The following LDB2 variants were observed in gnomAD, a reference collection of about 807,000 sequenced individuals.
The protein encoded by LDB2 is LIM domain binding 2, also known as LIM domain-binding protein 2.
Under a neutral mutation model 44.3 loss-of-function variants are expected in LDB2, and 12 were observed. The ratio of observed to expected loss-of-function variants is 0.27; its 90% CI spans 0.17 to 0.44. The LOEUF (loss-of-function observed/expected upper bound fraction) is 0.44, where lower values mean the gene tolerates loss of function less well. Ranked by LOEUF, LDB2 falls within the 20% of genes least tolerant of loss-of-function variation. LDB2 has a pLI of 1.00. For missense variants in LDB2, 344 were observed against 473.5 expected (o/e 0.73, Z 2.54); for synonymous variants, 164 against 174.8 (o/e 0.94, Z 0.49).
intron 2 of LDB2, among the ~76,000 whole-genome samples, chr4:16,638,111 G>A (rs1468681966): frequency 6.6e-6 from 1 of 152,158 alleles, no homozygotes; most frequent in Non-Finnish European, 1.5e-5. Context: ...ACATGAGAAG[G>A]GCTCCATGAT....
intron 2 of LDB2, among the ~76,000 whole-genome samples, chr4:16,709,188 TATTTA>T (rs1755325073): frequency 6.6e-6 from 1 of 152,194 alleles, no homozygotes; most frequent in Non-Finnish European, 1.5e-5. Context: ...TTTAAAAATG[TATTTA>T]ATTAATGAGC....
chr4:16,748,825 A>T (rs1369783202), intron 2 of LDB2, among the ~76,000 whole-genome samples: 2 of 152,244 alleles, frequency 1.3e-5, no homozygotes, highest in Admixed American at 1.3e-4. Flanking sequence ...GTAAAAATAG[A>T]GTGTGAAGCA....
chr4:16,789,571 T>G (rs1775249917), intron 1 of LDB2, among the ~76,000 whole-genome samples: 1 of 152,204 alleles, frequency 6.6e-6, no homozygotes. Flanking sequence ...CAACTACCAT[T>G]TGTCCATTTA....
rs538755324 is a variant in LDB2, at chr4:16,785,747, A to T, written c.133-26487T>A. ...GCTCCCCTCGACCCACATCCACACC[A>T]ATCAGAGAATCACCTAGCCTTCCTA... On this transcript the variant is annotated intron_variant, in intron 1 of 7. Transcript: ENST00000304523. Among the ~76,000 whole-genome samples the T allele has an allele frequency of 1.8e-4, 28 of 152,196 alleles. No individual in the cohort carries two copies. In the East Asian group the frequency reaches 4.5e-3, roughly 24 times the overall value.
intron 2 of LDB2, among the ~76,000 whole-genome samples, chr4:16,693,694 G>A (rs571451960): frequency 6.6e-6 from 1 of 152,328 alleles, no homozygotes; most frequent in East Asian, 1.9e-4. Flanking sequence ...AGGTTAAAGA[G>A]GGACACAGTG....
chr4:16,643,728 G>T (rs1369219508), intron 2 of LDB2, among the ~76,000 whole-genome samples: 4 of 151,296 alleles, frequency 2.6e-5, no homozygotes, highest in African/African-American at 9.8e-5. Context: ...CTTCATTTTG[G>T]TCTTTGGTAC....
chr4:16,562,658 C>G (rs531075527), intron 5 of LDB2, among the ~76,000 whole-genome samples: 1 of 152,184 alleles, frequency 6.6e-6, no homozygotes, highest in Admixed American at 6.5e-5. Flanking sequence ...GTCAGTGTGG[C>G]CATTCCTCAG....
At chr4:16,720,950 C>A (rs1758140667) in intron 2 of LDB2, among the ~76,000 whole-genome samples, 1 of 152,114 alleles carries the variant, frequency 6.6e-6, no homozygotes, top group African/African-American at 2.4e-5. Context: ...GGAAAGCTCT[C>A]CATCTGTCAT....
chr4:16,894,003 T>C (rs1267610377), intron 1 of LDB2, among the ~76,000 whole-genome samples: 1 of 152,180 alleles, frequency 6.6e-6, no homozygotes, highest in Non-Finnish European at 1.5e-5. Context: ...TACAATGATG[T>C]CCACTGTAAT....
At chr4:16,548,680 C>T (rs972957971) in intron 5 of LDB2, among the ~76,000 whole-genome samples, 16 of 152,126 alleles carry the variant, frequency 1.1e-4, no homozygotes, top group African/African-American at 3.1e-4. Context: ...CAGGGTAAGC[C>T]GGAAAAAGAA....
intron 5 of LDB2, among the ~76,000 whole-genome samples, chr4:16,562,886 A>G (rs1020761503): frequency 2.0e-5 from 3 of 152,376 alleles, no homozygotes; most frequent in South Asian, 2.1e-4. Flanking sequence ...CTATGCAGCC[A>G]TAAGAAATGA....
intron 1 of LDB2, among the ~76,000 whole-genome samples, chr4:16,814,230 T>G (rs1780495644): frequency 6.6e-6 from 1 of 152,212 alleles, no homozygotes; most frequent in Non-Finnish European, 1.5e-5. Flanking sequence ...CTTTGCTTAG[T>G]GTGCACAGGC....
intron 5 of LDB2, among the ~76,000 whole-genome samples, chr4:16,554,888 C>G (rs1577652595): frequency 6.6e-6 from 1 of 152,116 alleles, no homozygotes; most frequent in African/African-American, 2.4e-5. Context: ...ATGTACAACA[C>G]CAAGAGTGAG....
intron 1 of LDB2, among the ~76,000 whole-genome samples, chr4:16,768,407 T>C (rs1481017533): frequency 1.3e-5 from 2 of 152,158 alleles, no homozygotes; most frequent in African/African-American, 4.8e-5. Flanking sequence ...CACTCCTGTT[T>C]TACATGCATC....
intron 5 of LDB2, among the ~76,000 whole-genome samples, chr4:16,548,132 C>A (rs1467032281): frequency 6.6e-6 from 1 of 151,922 alleles, no homozygotes; most frequent in Non-Finnish European, 1.5e-5. Context: ...CCTCAACTTT[C>A]CTGGTTCTTG....
At chr4:16,584,339 C>A (rs558116691) in intron 5 of LDB2, among the ~76,000 whole-genome samples, 1 of 152,310 alleles carries the variant, frequency 6.6e-6, no homozygotes, top group South Asian at 2.1e-4. Flanking sequence ...AGATATGACC[C>A]AATTCCTATC....
At chr4:16,844,486 C>A (rs914348675) in intron 1 of LDB2, among the ~76,000 whole-genome samples, 3 of 152,008 alleles carry the variant, frequency 2.0e-5, no homozygotes, top group African/African-American at 7.2e-5. Flanking sequence ...CTCTCATATC[C>A]CTTTTTATGG....
chr4:16,846,002 A>T (rs1444867206), intron 1 of LDB2, among the ~76,000 whole-genome samples: 1 of 151,718 alleles, frequency 6.6e-6, no homozygotes, highest in Admixed American at 6.6e-5. Context: ...CCAGCTACTC[A>T]GGAGGCTGAG....
chr4:16,607,796 T>TA (rs201492424), intron 2 of LDB2, among the ~76,000 whole-genome samples: 1,903 of 152,316 alleles, frequency 0.012, 25 homozygotes, highest in Non-Finnish European at 0.02. Context: ...ATTTGTGATG[T>TA]AAATAGCTAC....
Sources: gnomAD v4.1 joint callset for allele counts (sites outside exome capture counted in the v4.1 genomes callset) on GRCh38, gnomAD v4.1.1 for gene constraint, MANE v1.5 for transcripts, NCBI Gene and HGNC (gene_info 2026-07-23, HGNC 2026-07-21) for gene names.